The following HOXA10 variants were observed in gnomAD, a reference collection of about 807,000 sequenced individuals.
HOXA10 encodes the protein homeobox protein Hox-A10.
Under a neutral mutation model 29.7 loss-of-function variants are expected in HOXA10, and 12 were observed. That is an observed-to-expected ratio of 0.40 (90% CI 0.26 to 0.65). The LOEUF is 0.65. Ranked by LOEUF, HOXA10 falls within the 30% of genes least tolerant of loss-of-function variation. The pLI, the probability that HOXA10 is intolerant of heterozygous loss-of-function variation, is 0.37. For missense variants in HOXA10, 656 were observed against 585.9 expected (o/e 1.12, Z -1.24); for synonymous variants, 327 against 280.7 (o/e 1.16, Z -1.65).
At position 27,173,478 on chromosome 7, in the gene HOXA10, TGGG is replaced by T. The variant is rs764107802; in HGVS notation, c.826_828del (p.Pro276del). ...CCCCCGCCGCTGCCGCAAGCCAGCG[TGGG>T]GGGCGGCGGCGAATCGAGGGCTCGC... On this transcript the variant is annotated inframe_deletion, in exon 1 of 2. Coordinates refer to ENST00000283921, the MANE Select transcript of HOXA10 (RefSeq NM_018951.4). The T allele has an allele frequency of 6.4e-7, 1 of 1,564,732 alleles. No individual in the cohort carries two copies. Among genetic ancestry groups the T allele is most frequent in the Admixed American group, 1.9e-5 (1 of 53,866 alleles).
At position 27,173,956 on chromosome 7, in the gene HOXA10, C is replaced by G. The variant is rs894956881; in HGVS notation, c.351G>C (p.Leu117=). 44 of 1,528,484 alleles carry G rather than the reference C, an allele frequency of 2.9e-5. No individual in the cohort carries two copies. The highest frequency in any genetic ancestry group is 3.5e-5 in the Non-Finnish European group (40 of 1,140,778). 94.7% of individuals were successfully genotyped at this position (1,528,484 alleles called of 1,614,324 possible). Residue 117 remains leucine (L), a synonymous_variant, in exon 1 of 2, where the codon CTG becomes CTC. Transcript: ENST00000283921. ...GGCAAGACCGGGGCGCGTCTAGCCA[C>G]AGGTCTATGGGCGAGGGCCCGTAGC... ...AHGYGPSPID[L]WLDAPRSCRM... is the part of the protein sequence containing the mutation.
chr7:27,173,201 A>G lies in HOXA10; in HGVS notation c.958+148T>C, dbSNP rs991951182. 4 of 1,323,572 alleles carry G rather than the reference A, an allele frequency of 3.0e-6. No homozygotes were observed. In the African/African-American group the frequency reaches 5.9e-5, roughly 19 times the overall value. The allele number at this position is 1,323,572 out of a possible 1,614,324, so 82.0% of individuals were successfully genotyped here. ...TTTTACTGCGTCCCCACGCCCAAAT[A>G]TTAAAAAGCAAGTTCACAAGGTCAG... On this transcript the variant is annotated intron_variant, in intron 1 of 1. Transcript: ENST00000283921.
rs745419504 is a variant in HOXA10 at position 27,171,268 on chromosome 7, A to C, written c.*631T>G. On this transcript the variant is annotated 3_prime_UTR_variant, in exon 2 of 2. Coordinates refer to ENST00000283921, the MANE Select transcript of HOXA10 (RefSeq NM_018951.4). ...TGGGATATCTTACAGAGGAAGGAAAAATTAACCTTTTTTACTTTCTTTCTC... is the reference window on the plus strand; with the variant it reads ...TGGGATATCTTACAGAGGAAGGAAACATTAACCTTTTTTACTTTCTTTCTC... The C allele has an allele frequency of 8.8e-6, 4 of 454,156 alleles. No homozygotes were observed. Among genetic ancestry groups the C allele is most frequent in the South Asian group, 6.2e-5 (4 of 64,452 alleles). The allele number at this position is 454,156 out of a possible 1,614,324, so 28.1% of individuals were successfully genotyped here. A position where few individuals can be genotyped will look rare whatever the true frequency, so the allele number is the denominator to read the frequency against.
chr7:27,174,588 G>A (rs1266418798), upstream of HOXA10: 6 of 510,084 alleles, frequency 1.2e-5, no homozygotes, highest in South Asian at 2.2e-5. Context: ...GGCTCGCCCC[G>A]CCCCTACCCG....
chr7:27,175,070 T>G (rs1783629555), upstream of HOXA10: 1 of 152,266 alleles, frequency 6.6e-6, no homozygotes, highest in South Asian at 2.1e-4. Context: ...CTCCTGTCAG[T>G]GGACTTTGGT....
upstream of HOXA10, chr7:27,174,583 G>A: frequency 1.9e-6 from 1 of 522,284 alleles, no homozygotes; most frequent in Non-Finnish European, 3.4e-6. Context: ...CATTGGGCTC[G>A]CCCCGCCCCT....
rs982690005 is a variant in HOXA10, at chr7:27,173,929, C to T, written c.378G>A (p.Arg126=). The T allele has an allele frequency of 8.5e-6, 13 of 1,521,304 alleles. No homozygotes were observed. In the African/African-American group the frequency reaches 1.7e-4, roughly 20 times the overall value. The allele number at this position is 1,521,304 out of a possible 1,614,324, so 94.2% of individuals were successfully genotyped here. The stretch of plus-strand genomic sequence containing the variant: ...GCGGCGGCCCGTCAGGCGGCTCCAT[C>T]CGGCAAGACCGGGGCGCGTCTAGCC... The part of the protein sequence containing the change: ...DLWLDAPRSC[R]MEPPDGPPPP... Residue 126 remains arginine, a synonymous_variant, in exon 1 of 2, where the codon CGG becomes CGA. Coordinates refer to ENST00000283921, the MANE Select transcript of HOXA10 (RefSeq NM_018951.4).
chr7:27,176,725 C>T (rs1043280841), upstream of HOXA10, among the ~76,000 whole-genome samples: 3 of 152,282 alleles, frequency 2.0e-5, no homozygotes, highest in East Asian at 3.9e-4. Flanking sequence ...CTTCCCAGGC[C>T]GACATCTGGG....
chr7:27,173,700 C>G lies in HOXA10; in HGVS notation c.607G>C (p.Gly203Arg), dbSNP rs1401918536. ...GGCACTGGCACCCCGCTGGAGGTGC[C>G]CAGGGCGCAGCCGTCGGGCGGCGGG... The part of the protein sequence containing the change: ...RGPPPDGCAL[G>R]TSSGVPVPGY... Residue 203 changes from glycine (G) to arginine (R), a missense_variant, in exon 1 of 2, where the codon GGC (glycine) becomes CGC (arginine). This residue lies in a region of HOXA10 where 594 missense variants were observed against 491.9 expected (regional missense o/e 1.21). Coordinates refer to ENST00000283921, the MANE Select transcript of HOXA10 (RefSeq NM_018951.4). 6 of 1,569,238 alleles carry G rather than the reference C, an allele frequency of 3.8e-6. No individual in the cohort carries two copies. The highest frequency in any genetic ancestry group is 5.2e-6 in the Non-Finnish European group (6 of 1,157,946).
chr7:27,178,398 T>C (rs1294446257), upstream of HOXA10, among the ~76,000 whole-genome samples: 1 of 152,246 alleles, frequency 6.6e-6, no homozygotes, highest in Admixed American at 6.5e-5. Context: ...TCAGGTGCAA[T>C]CTATTACTAA....
upstream of HOXA10, among the ~76,000 whole-genome samples, chr7:27,176,659 G>T (rs1783659464): frequency 6.6e-6 from 1 of 152,250 alleles, no homozygotes; most frequent in South Asian, 2.1e-4. Context: ...TGGCAGGTCA[G>T]TGGGCCAGGA....
At position 27,174,226 on chromosome 7, in the gene HOXA10, GT is replaced by G; in HGVS notation, c.80del (p.Asn27ThrfsTer77). On this transcript the variant is annotated frameshift_variant, in exon 1 of 2. Coordinates refer to ENST00000283921, the MANE Select transcript of HOXA10 (RefSeq NM_018951.4). LOFTEE classifies it high-confidence loss of function. ...TGATGAGCGAGTCGACCAAAAAAGAGTTCGCGGCGGGGCTCTCCGAGCATGA... is the reference window on the plus strand; with the variant it reads ...TGATGAGCGAGTCGACCAAAAAAGAGTCGCGGCGGGGCTCTCCGAGCATGA... ...TMSCSESPAA[N>X]SFLVDSLISS... 1 of 1,601,244 alleles carries G rather than the reference GT, an allele frequency of 6.2e-7. No individual in the cohort carries two copies. The highest frequency in any genetic ancestry group is 8.5e-7 in the Non-Finnish European group (1 of 1,179,834).
At chr7:27,174,787 C>T (rs1783619245), upstream of HOXA10, 3 of 162,390 alleles carry the variant, frequency 1.8e-5, no homozygotes, top group African/African-American at 7.2e-5. Context: ...GCTTCCCATT[C>T]AGCTCTGGAT....
chr7:27,173,067 A>C, intron 1 of HOXA10: 1 of 505,348 alleles, frequency 2.0e-6, no homozygotes, highest in Non-Finnish European at 3.5e-6. Flanking sequence ...CGGCCACAGG[A>C]AAGAGCGCAC....
At chr7:27,172,333 C>T in intron 1 of HOXA10, 160 bp from the exon 2 acceptor site, 1 of 688,664 alleles carries the variant, frequency 1.5e-6, no homozygotes, top group Non-Finnish European at 2.5e-6. Flanking sequence ...AGCAGTTCCT[C>T]CAAAAGTCAT....
At position 27,174,043 on chromosome 7, in the gene HOXA10, G is replaced by A; in HGVS notation, c.264C>T (p.Arg88=). The A allele has an allele frequency of 6.5e-7, 1 of 1,540,154 alleles. No homozygotes were observed. Among genetic ancestry groups the A allele is most frequent in the Non-Finnish European group, 8.7e-7 (1 of 1,149,460 alleles). ...CGCTGCCCGGCGACGCTGCCTCATTGCGCTTGCCGCCCAGCGTGGGGAAGA... is the reference window on the plus strand; with the variant it reads ...CGCTGCCCGGCGACGCTGCCTCATTACGCTTGCCGCCCAGCGTGGGGAAGA... The part of the protein sequence containing the change: ...CGLFPTLGGK[R]NEAASPGSGG... The change falls in exon 1 of 2, where the codon CGC becomes CGT. Residue 88 remains arginine (R), a synonymous_variant. Coordinates refer to ENST00000283921, the MANE Select transcript of HOXA10 (RefSeq NM_018951.4).
upstream of HOXA10, among the ~76,000 whole-genome samples, chr7:27,178,185 G>A (rs1432743645): frequency 1.3e-5 from 2 of 152,178 alleles, no homozygotes; most frequent in African/African-American, 2.4e-5. Context: ...GGTGGAGTTG[G>A]GCTGCAGTCC....
chr7:27,172,576 C>T (rs1438823921), intron 1 of HOXA10: 2 of 268,626 alleles, frequency 7.4e-6, no homozygotes, highest in Admixed American at 5.1e-5. Flanking sequence ...GGAAGATGGG[C>T]CAGGCAGCTT....
chr7:27,175,867 C>G (rs553316364), upstream of HOXA10, among the ~76,000 whole-genome samples: 119 of 152,366 alleles, frequency 7.8e-4, no homozygotes, highest in African/African-American at 2.7e-3. Flanking sequence ...GGCACTTTGC[C>G]TCCTTCCTCC....
Sources: gnomAD v4.1 joint callset for allele counts (sites outside exome capture counted in the v4.1 genomes callset) on GRCh38, gnomAD v4.1.1 for gene constraint, gnomAD v4.1.1 regional missense constraint, MANE v1.5 for transcripts, NCBI Gene and HGNC (gene_info 2026-07-23, HGNC 2026-07-21) for gene names.